The following TRPM3 variants were observed in gnomAD, a reference collection of about 807,000 sequenced individuals.
TRPM3 encodes transient receptor potential cation channel subfamily M member 3.
Under a neutral mutation model 181.2 loss-of-function variants are expected in TRPM3, and 77 were observed. The ratio of observed to expected loss-of-function variants is 0.42; its 90% CI spans 0.35 to 0.51. The LOEUF (loss-of-function observed/expected upper bound fraction) is 0.51, where lower values mean the gene tolerates loss of function less well. Among genes scored for constraint, TRPM3 ranks in the 20% least tolerant of loss-of-function variants. The pLI is 0.01. For synonymous variants in TRPM3, 745 were observed against 796.4 expected, an observed-to-expected ratio of 0.94 and a Z score of 1.09; for missense variants, 1,759 against 2,196.7, an observed-to-expected ratio of 0.80 and a Z score of 3.98.
At chr9:71,379,874 T>C (rs1436299873) in intron 1 of TRPM3, among the ~76,000 whole-genome samples, 3 of 152,010 alleles carry the variant, frequency 2.0e-5, no homozygotes, top group East Asian at 1.9e-4. Context: ...AAGAGAACCA[T>C]AGGGTCAGTA....
At chr9:71,098,469 A>T (rs1425368629) in intron 1 of TRPM3, among the ~76,000 whole-genome samples, 2 of 152,156 alleles carry the variant, frequency 1.3e-5, no homozygotes, top group Non-Finnish European at 2.9e-5. Flanking sequence ...TTCACACACT[A>T]TTCAGCTGAG....
At chr9:71,245,218 T>C (rs1054362645) in intron 1 of TRPM3, among the ~76,000 whole-genome samples, 3 of 151,954 alleles carry the variant, frequency 2.0e-5, no homozygotes, top group African/African-American at 7.2e-5. Context: ...GGAGGCCAAG[T>C]TGGGTGGATC....
At chr9:71,321,166 A>G (rs562689439) in intron 1 of TRPM3, among the ~76,000 whole-genome samples, 1 of 152,288 alleles carries the variant, frequency 6.6e-6, no homozygotes, top group South Asian at 2.1e-4. Context: ...TCAAAACACA[A>G]ACCATCCCTT....
intron 9 of TRPM3, among the ~76,000 whole-genome samples, chr9:70,652,416 G>A (rs979499028): frequency 5.9e-5 from 9 of 152,082 alleles, no homozygotes; most frequent in Non-Finnish European, 8.8e-5. Flanking sequence ...GAAACCATGG[G>A]ACTTTATAAG....
At chr9:70,542,299 G>A (rs1167242319) in intron 25 of TRPM3, among the ~76,000 whole-genome samples, 1 of 152,174 alleles carries the variant, frequency 6.6e-6, no homozygotes, top group African/African-American at 2.4e-5. Flanking sequence ...AATTTAAGGA[G>A]ACAGACTCCT....
chr9:70,975,690 A>C (rs2097295122), intron 1 of TRPM3, among the ~76,000 whole-genome samples: 1 of 152,194 alleles, frequency 6.6e-6, no homozygotes, highest in South Asian at 2.1e-4. Flanking sequence ...AGAGTCACCT[A>C]GGGGCTCACC....
intron 22 of TRPM3, among the ~76,000 whole-genome samples, chr9:70,561,649 A>G (rs1210512024): frequency 2.0e-5 from 3 of 152,160 alleles, no homozygotes; most frequent in African/African-American, 4.8e-5. Flanking sequence ...TCTTCACCTA[A>G]CCCAAACACT....
intron 1 of TRPM3, among the ~76,000 whole-genome samples, chr9:71,159,098 A>G (rs2076146954): frequency 2.0e-5 from 2 of 98,168 alleles, no homozygotes; most frequent in South Asian, 8.2e-4. Context: ...TATTATATAT[A>G]TATATTTAGA....
intron 1 of TRPM3, among the ~76,000 whole-genome samples, chr9:71,366,566 T>C (rs530132810): frequency 1.2e-4 from 18 of 152,322 alleles, no homozygotes; most frequent in African/African-American, 4.3e-4. Flanking sequence ...GTAGGGCCAC[T>C]ATAATTACCT....
intron 1 of TRPM3, among the ~76,000 whole-genome samples, chr9:71,146,174 C>T (rs4745058): frequency 0.64 from 96,551 of 152,026 alleles, 32,898 homozygotes; most frequent in East Asian, 0.8. Flanking sequence ...ACTCCTTAGA[C>T]GTTCCTTCGT....
chr9:71,159,159 T>A (rs2076154513), intron 1 of TRPM3, among the ~76,000 whole-genome samples: 1 of 151,860 alleles, frequency 6.6e-6, no homozygotes, highest in South Asian at 2.1e-4. Flanking sequence ...CATCCATGTA[T>A]CCAATTGGTT....
intron 9 of TRPM3, among the ~76,000 whole-genome samples, chr9:70,676,880 G>A (rs933314321): frequency 1.2e-4 from 19 of 152,024 alleles, no homozygotes; most frequent in Admixed American, 1.2e-3. Context: ...CCCCAAGGCA[G>A]GTCATAGAGA....
intron 8 of TRPM3, among the ~76,000 whole-genome samples, chr9:70,686,878 T>G (rs1258879547): frequency 2.8e-5 from 4 of 143,598 alleles, no homozygotes; most frequent in African/African-American, 1.0e-4. Context: ...CAGGCTGGAG[T>G]GCATGATCTT....
intron 1 of TRPM3, among the ~76,000 whole-genome samples, chr9:71,060,458 A>AAAATATGAT (rs1258766394): frequency 3.3e-5 from 5 of 152,144 alleles, no homozygotes; most frequent in African/African-American, 1.2e-4. Flanking sequence ...GATTCTTGGA[A>AAAATATGAT]GTTCAGTAAC....
chr9:71,267,524 G>A (rs1214319554), intron 1 of TRPM3, among the ~76,000 whole-genome samples: 1 of 151,868 alleles, frequency 6.6e-6, no homozygotes, highest in Non-Finnish European at 1.5e-5. Context: ...TTATCCCCAG[G>A]CCACAAAGAT....
chr9:71,142,671 A>C (rs912829289), intron 1 of TRPM3, among the ~76,000 whole-genome samples: 1 of 152,166 alleles, frequency 6.6e-6, no homozygotes, highest in African/African-American at 2.4e-5. Context: ...TGACATACTC[A>C]GATTTACTTT....
Position 70,553,047 on chromosome 9 carries a change from A to T in TRPM3, c.3375-4T>A. 1 of 1,614,194 alleles carries T rather than the reference A, an allele frequency of 6.2e-7. No individual in the cohort carries two copies. The highest frequency in any genetic ancestry group is 8.5e-7 in the Non-Finnish European group (1 of 1,180,022). ...TTTTACTTCAAAAAATGTATTGCTAAAATAGAGACCAAAGAGAATCAAGTG... is the reference window on the plus strand; with the variant it reads ...TTTTACTTCAAAAAATGTATTGCTATAATAGAGACCAAAGAGAATCAAGTG... On this transcript the variant is annotated splice_region_variant and splice_polypyrimidine_tract_variant and intron_variant, in intron 23 of 25. Transcript: ENST00000677713.
chr9:71,135,080 A>G (rs868150558), intron 1 of TRPM3, among the ~76,000 whole-genome samples: 2 of 152,224 alleles, frequency 1.3e-5, no homozygotes, highest in Non-Finnish European at 2.9e-5. Flanking sequence ...AATTTTCAGC[A>G]TGCTCAAATT....
chr9:71,172,148 G>T (rs556099615), intron 1 of TRPM3, among the ~76,000 whole-genome samples: 12 of 149,430 alleles, frequency 8.0e-5, no homozygotes, highest in Non-Finnish European at 1.5e-4. Context: ...CAATCCTCCC[G>T]CTTCAGCCTC....
Sources: gnomAD v4.1 joint callset for allele counts (sites outside exome capture counted in the v4.1 genomes callset) on GRCh38, gnomAD v4.1.1 for gene constraint, MANE v1.5 for transcripts, NCBI Gene and HGNC (gene_info 2026-07-23, HGNC 2026-07-21) for gene names.